Variants in PTPRD observed in about 807,000 individuals in gnomAD.
The protein encoded by PTPRD is receptor-type tyrosine-protein phosphatase delta.
Under a neutral mutation model 214.5 loss-of-function variants are expected in PTPRD, and 34 were observed. The observed-to-expected ratio is 0.16, with a 90% CI of 0.12 to 0.21. PTPRD has a LOEUF of 0.21. PTPRD is among the 10% of genes least tolerant of loss of function. PTPRD has a pLI of 1.00. For synonymous variants in PTPRD, 1,128 were observed against 845.7 expected, an observed-to-expected ratio of 1.33 and a Z score of -5.79; for missense variants, 2,545 against 2,398.7, an observed-to-expected ratio of 1.06 and a Z score of -1.27.
intron 5 of PTPRD, among the ~76,000 whole-genome samples, chr9:9,875,855 C>T (rs1306476939): frequency 6.6e-6 from 1 of 151,942 alleles, no homozygotes; most frequent in Admixed American, 6.6e-5. Flanking sequence ...AGTTAAAATA[C>T]TATAAAAAAG....
chr9:8,840,113 C>T (rs949229623), intron 11 of PTPRD, among the ~76,000 whole-genome samples: 6 of 152,094 alleles, frequency 3.9e-5, no homozygotes, highest in Admixed American at 6.5e-5. Flanking sequence ...CGGTATAGAA[C>T]GGTAACATCA....
At chr9:10,089,210 T>G (rs2098400128) in intron 3 of PTPRD, among the ~76,000 whole-genome samples, 1 of 147,158 alleles carries the variant, frequency 6.8e-6, no homozygotes, top group South Asian at 2.1e-4. Context: ...AGTCTCAAAA[T>G]AAATAAATAA....
At chr9:9,435,671 T>A (rs931834432) in intron 8 of PTPRD, among the ~76,000 whole-genome samples, 4 of 152,288 alleles carry the variant, frequency 2.6e-5, no homozygotes, top group African/African-American at 9.6e-5. Context: ...ATATCATATT[T>A]ATCTATGAAT....
chr9:10,138,494 T>C (rs1310507905), intron 3 of PTPRD, among the ~76,000 whole-genome samples: 2 of 152,000 alleles, frequency 1.3e-5, no homozygotes, highest in African/African-American at 4.8e-5. Flanking sequence ...CAGATGTACA[T>C]AGAGCTGGTA....
intron 7 of PTPRD, among the ~76,000 whole-genome samples, chr9:9,723,005 G>T (rs147703261): frequency 8.4e-4 from 128 of 152,018 alleles, no homozygotes; most frequent in African/African-American, 3.0e-3. Context: ...TCACATTTTT[G>T]ATGGCATTAT....
At chr9:10,202,308 C>A (rs73641883) in intron 3 of PTPRD, among the ~76,000 whole-genome samples, 2,022 of 151,892 alleles carry the variant, frequency 0.013, 44 homozygotes, top group African/African-American at 0.046. Context: ...GGAGCCCCCC[C>A]ACAACCAGGA....
At chr9:9,185,005 A>G (rs1309184829) in intron 9 of PTPRD, among the ~76,000 whole-genome samples, 2 of 152,060 alleles carry the variant, frequency 1.3e-5, no homozygotes, top group Admixed American at 6.6e-5. Context: ...ATATGCTTGC[A>G]AAACTGTTCT....
At chr9:10,241,695 G>C (rs1470234057) in intron 3 of PTPRD, among the ~76,000 whole-genome samples, 9 of 151,924 alleles carry the variant, frequency 5.9e-5, no homozygotes, top group Admixed American at 5.3e-4. Context: ...AGGGTTGGTG[G>C]AGGAACGGTT....
intron 11 of PTPRD, among the ~76,000 whole-genome samples, chr9:8,993,380 C>CAAACTATAG (rs2154349410): frequency 6.6e-6 from 1 of 152,190 alleles, no homozygotes; most frequent in African/African-American, 2.4e-5. Flanking sequence ...ATGTATACAG[C>CAAACTATAG]AAACTATAGC....
At chr9:9,013,390 G>C (rs561015261) in intron 11 of PTPRD, among the ~76,000 whole-genome samples, 2 of 152,084 alleles carry the variant, frequency 1.3e-5, no homozygotes, top group Non-Finnish European at 2.9e-5. Context: ...TAGCAAAGAA[G>C]CGATCAGTCA....
At chr9:9,016,782 T>G (rs2099537237) in intron 11 of PTPRD, among the ~76,000 whole-genome samples, 1 of 152,262 alleles carries the variant, frequency 6.6e-6, no homozygotes, top group African/African-American at 2.4e-5. Flanking sequence ...AGTTATGTCA[T>G]CCAGCAATGT....
intron 3 of PTPRD, among the ~76,000 whole-genome samples, chr9:10,090,957 C>G (rs955515844): frequency 1.4e-5 from 2 of 142,606 alleles, no homozygotes; most frequent in Non-Finnish European, 3.1e-5. Flanking sequence ...CACACACACA[C>G]ACATGCATGT....
intron 5 of PTPRD, among the ~76,000 whole-genome samples, chr9:9,922,796 C>T (rs1278987194): frequency 6.6e-6 from 1 of 151,818 alleles, no homozygotes; most frequent in Admixed American, 6.6e-5. Context: ...ATGGTATTGT[C>T]GTGAAAGGCA....
intron 33 of PTPRD, among the ~76,000 whole-genome samples, chr9:8,456,081 A>C (rs760053314): frequency 6.6e-6 from 1 of 152,154 alleles, no homozygotes; most frequent in South Asian, 2.1e-4. Context: ...ATGTAGAAGG[A>C]ATTGAGTTTG....
chr9:9,409,570 T>C (rs1217435906), intron 8 of PTPRD, among the ~76,000 whole-genome samples: 3 of 152,012 alleles, frequency 2.0e-5, no homozygotes, highest in Non-Finnish European at 4.4e-5. Context: ...CTGAGAGCAC[T>C]TAAAATTTCT....
chr9:8,477,800 T>C (rs2096795139), intron 30 of PTPRD, among the ~76,000 whole-genome samples: 2 of 151,976 alleles, frequency 1.3e-5, no homozygotes, highest in Non-Finnish European at 2.9e-5. Context: ...CAGTTATCAA[T>C]TGACCTAGGA....
intron 44 of PTPRD, among the ~76,000 whole-genome samples, chr9:8,323,523 T>G (rs1363029824): frequency 2.6e-5 from 4 of 152,154 alleles, no homozygotes; most frequent in Non-Finnish European, 4.4e-5. Flanking sequence ...TAACAGGAGT[T>G]TGGAAGAAGT....
At chr9:9,931,745 T>G (rs1277890396) in intron 5 of PTPRD, among the ~76,000 whole-genome samples, 2 of 151,838 alleles carry the variant, frequency 1.3e-5, no homozygotes, top group Non-Finnish European at 2.9e-5. Flanking sequence ...GAGGCCTGCC[T>G]ACCTCTGTAG....
chr9:9,703,272 A>G (rs1469209325), intron 7 of PTPRD, among the ~76,000 whole-genome samples: 1 of 152,140 alleles, frequency 6.6e-6, no homozygotes, highest in African/African-American at 2.4e-5. Flanking sequence ...GCCATGCTGA[A>G]CTGTGAGTCA....
Sources: gnomAD v4.1 joint callset for allele counts (sites outside exome capture counted in the v4.1 genomes callset) on GRCh38, gnomAD v4.1.1 for gene constraint, MANE v1.5 for transcripts, NCBI Gene and HGNC (gene_info 2026-07-23, HGNC 2026-07-21) for gene names.